NDRG2: variants seen among roughly 807,000 people sequenced by gnomAD.
The protein encoded by NDRG2 is NDRG family member 2, also known as protein NDRG2.
A neutral mutation model predicts 58.2 loss-of-function variants in NDRG2; 34 were observed. The ratio of observed to expected loss-of-function variants is 0.58; its 90% CI spans 0.44 to 0.78. The LOEUF (loss-of-function observed/expected upper bound fraction) is 0.78. Among genes scored for constraint, NDRG2 ranks in the 30% least tolerant of loss-of-function variants. NDRG2 has a pLI of 0.00. For missense variants in NDRG2, 434 were observed against 471.2 expected (o/e 0.92, Z 0.73); for synonymous variants, 187 against 175.9 (o/e 1.06, Z -0.50).
intron 1 of NDRG2, chr14:21,058,011 C>T: frequency 6.2e-7 from 1 of 1,614,114 alleles, no homozygotes; most frequent in Non-Finnish European, 8.5e-7. Context: ...TGGTTTAAAA[C>T]TCAGCATGTG....
upstream of NDRG2, chr14:21,030,754 A>T: frequency 6.2e-7 from 1 of 1,613,572 alleles, no homozygotes; most frequent in South Asian, 1.1e-5. Context: ...AGCAAAGTCA[A>T]GTGAGGAGCC....
chr14:21,020,292 T>TC, intron 8 of NDRG2: 1 of 409,760 alleles, frequency 2.4e-6, no homozygotes, highest in South Asian at 3.0e-5. Flanking sequence ...AGACACCATC[T>TC]CAAAAAAAAA....
intron 1 of NDRG2, among the ~76,000 whole-genome samples, chr14:21,066,783 G>A (rs532498279): frequency 2.6e-5 from 4 of 152,150 alleles, no homozygotes; most frequent in East Asian, 1.9e-4. Context: ...CACTTAGTTC[G>A]GAGAAGACAA....
chr14:21,054,335 TACAC>T (rs3061929), intron 1 of NDRG2, among the ~76,000 whole-genome samples: 9,747 of 149,730 alleles, frequency 0.065, 487 homozygotes, highest in African/African-American at 0.14. Context: ...AAAGAGATAA[TACAC>T]ACACACACAC....
chr14:21,045,193 T>A (rs571059915), intron 1 of NDRG2, among the ~76,000 whole-genome samples: 2 of 152,130 alleles, frequency 1.3e-5, no homozygotes, highest in Admixed American at 1.3e-4. Flanking sequence ...ATGAGTGGGT[T>A]AGAGGACAAG....
intron 1 of NDRG2, among the ~76,000 whole-genome samples, chr14:21,060,634 C>T (rs992189081): frequency 1.3e-5 from 2 of 152,228 alleles, no homozygotes; most frequent in Non-Finnish European, 2.9e-5. Context: ...TCCAGTCATA[C>T]ATGTCCATCT....
rs189884556 is a variant in NDRG2, at chr14:21,021,729, T to G, written c.407+88A>C. 23 of 1,407,400 alleles carry G rather than the reference T, an allele frequency of 1.6e-5. No homozygotes were observed. In the East Asian group the frequency reaches 5.4e-4, roughly 33 times the overall value. 87.2% of individuals were successfully genotyped at this position (1,407,400 alleles called of 1,614,324 possible). On this transcript the variant is annotated intron_variant, in intron 6 of 15. Transcript: ENST00000556147. ...ATTGAGTTCAGAAGCTGAAACTGGC[T>G]CAGGAACCACGGTGAACCTGGAAGT...
chr14:21,018,616 T>C, intron 12 of NDRG2, 112 bp from the exon 13 acceptor site: 2 of 1,555,896 alleles, frequency 1.3e-6, no homozygotes, highest in South Asian at 2.5e-5. Context: ...CCCTACCCAG[T>C]TCCTCCTTAC....
At chr14:21,057,750 G>T (rs1017487686) in intron 1 of NDRG2, 5 of 683,302 alleles carry the variant, frequency 7.3e-6, no homozygotes, top group South Asian at 5.8e-5. Context: ...AATGCCAGGG[G>T]TGTTCAATAT....
chr14:21,039,101 G>A (rs924988517), intron 1 of NDRG2, among the ~76,000 whole-genome samples: 5 of 152,194 alleles, frequency 3.3e-5, no homozygotes, highest in Non-Finnish European at 2.9e-5. Context: ...GTGGAACTCC[G>A]GAAGGCAGAG....
intron 1 of NDRG2, among the ~76,000 whole-genome samples, chr14:21,052,062 G>GT (rs1299212248): frequency 6.6e-6 from 1 of 152,174 alleles, no homozygotes; most frequent in Non-Finnish European, 1.5e-5. Flanking sequence ...GCACTTTGAT[G>GT]TTTTTTCTTG....
rs1244707663 is a variant in NDRG2, at chr14:21,068,113, C to G, written c.24+2715G>C. ...CTCCCGGGTTCACGCCATTCTCCTG[C>G]CTCAGCCTCCCGAGTAGCTGGGACT... On this transcript the variant is annotated intron_variant, in intron 1 of 14. Transcript: ENST00000403829. Among the ~76,000 whole-genome samples, 2 of 46,440 alleles carry G rather than the reference C, an allele frequency of 4.3e-5. 1 individual carries two copies. The highest frequency in any genetic ancestry group is 1.2e-4 in the Non-Finnish European group (2 of 16,348). The allele number at this position is 46,440 out of a possible 152,430, so 30.5% of individuals were successfully genotyped here. A position where few individuals can be genotyped will look rare whatever the true frequency, so the allele number is the denominator to read the frequency against.
intron 1 of NDRG2, chr14:21,043,725 G>T (rs1158708790): frequency 1.2e-5 from 5 of 421,750 alleles, no homozygotes; most frequent in Non-Finnish European, 1.7e-5. Flanking sequence ...CTATGCCATT[G>T]CACATGTCTC....
intron 1 of NDRG2, among the ~76,000 whole-genome samples, chr14:21,057,368 A>G (rs1029857635): frequency 1.3e-5 from 2 of 151,864 alleles, no homozygotes; most frequent in Non-Finnish European, 2.9e-5. Flanking sequence ...CCTGGGAGGC[A>G]GAGGTTGCAG....
intron 1 of NDRG2, among the ~76,000 whole-genome samples, chr14:21,063,214 G>A (rs574684797): frequency 6.6e-6 from 1 of 151,974 alleles, no homozygotes; most frequent in African/African-American, 2.4e-5. Context: ...TAAAAGTGGT[G>A]TGTATGTGTG....
rs1377560681 is a variant in NDRG2, at chr14:21,034,529, C to T, written c.25-11208G>A. 11 of 507,018 alleles carry T rather than the reference C, an allele frequency of 2.2e-5. No homozygotes were observed. In the East Asian group the frequency reaches 2.4e-4, roughly 11 times the overall value. The allele number at this position is 507,018 out of a possible 1,614,324, so 31.4% of individuals were successfully genotyped here. A position where few individuals can be genotyped will look rare whatever the true frequency, so the allele number is the denominator to read the frequency against. ...ACAGAATCTCAGCCTCTGCAGAGTC[C>T]GTGAGCTACATTTGCAGAATAAGAG... On this transcript the variant is annotated intron_variant, in intron 1 of 14. Transcript: ENST00000403829.
At chr14:21,025,684 C>G (rs894604683), upstream of NDRG2, 7 of 984,778 alleles carry the variant, frequency 7.1e-6, no homozygotes, top group Non-Finnish European at 8.4e-6. The surrounding 1 kb of genome is among the most constrained non-coding windows in gnomAD (Gnocchi z 5.1). Flanking sequence ...TACCTCTCCT[C>G]TCTTTGCTGC....
intron 1 of NDRG2, among the ~76,000 whole-genome samples, chr14:21,039,717 C>T (rs796079063): frequency 6.0e-4 from 91 of 152,298 alleles, no homozygotes; most frequent in African/African-American, 2.1e-3. Flanking sequence ...ATGGTAGGTA[C>T]GACTCAATTT....
chr14:21,066,735 T>G (rs1293057550), intron 1 of NDRG2, among the ~76,000 whole-genome samples: 10 of 152,232 alleles, frequency 6.6e-5, no homozygotes, highest in South Asian at 2.1e-4. Context: ...ACTAATGTGC[T>G]AGCACAGGCA....
Sources: allele counts gnomAD v4.1 joint callset (sites outside exome capture counted in the v4.1 genomes callset), GRCh38; gene constraint gnomAD v4.1.1; non-coding constraint Gnocchi (gnomAD v3.1); transcripts MANE v1.5; gene names NCBI Gene and HGNC (gene_info 2026-07-23, HGNC 2026-07-21).